PTH1R: variants seen among roughly 807,000 people sequenced by gnomAD.
PTH1R encodes parathyroid hormone 1 receptor, also known as parathyroid hormone/parathyroid hormone-related peptide receptor.
In PTH1R, 32 loss-of-function variants were observed where a neutral mutation model predicts 70.7. The ratio of observed to expected loss-of-function variants is 0.45; its 90% CI spans 0.34 to 0.61. The LOEUF (loss-of-function observed/expected upper bound fraction) is 0.61, where lower values mean the gene tolerates loss of function less well. PTH1R is among the 20% of genes least tolerant of loss of function. The pLI, the probability that PTH1R is intolerant of heterozygous loss-of-function variation, is 0.01. For synonymous variants in PTH1R, 329 were observed against 324.8 expected, an observed-to-expected ratio of 1.01 and a Z score of -0.14; for missense variants, 626 against 792.5, an observed-to-expected ratio of 0.79 and a Z score of 2.52.
At chr3:46,897,735 AAAAC>A in intron 5 of PTH1R, 116 bp from the exon 6 acceptor site, 1 of 985,298 alleles carries the variant, frequency 1.0e-6, no homozygotes, top group South Asian at 1.4e-5. Flanking sequence ...CCGTCTCAAA[AAAAC>A]AAAACAAAAC....
chr3:46,894,245 A>G (rs982247818), intron 4 of PTH1R, among the ~76,000 whole-genome samples: 8 of 152,122 alleles, frequency 5.3e-5, no homozygotes, highest in Admixed American at 3.9e-4. Flanking sequence ...GTTGCCCACA[A>G]CCAGCACTCA....
chr3:46,887,442 G>A (rs1352786011), intron 3 of PTH1R, among the ~76,000 whole-genome samples: 1 of 143,432 alleles, frequency 7.0e-6, no homozygotes, highest in African/African-American at 2.6e-5. Context: ...GTGACAGAGT[G>A]AGCCCCTGTC....
intron 4 of PTH1R, 80 bp downstream of exon 4, chr3:46,894,089 G>C (rs1360613402): frequency 6.9e-7 from 1 of 1,442,388 alleles, no homozygotes; most frequent in Non-Finnish European, 9.7e-7. Context: ...AGGATACAGA[G>C]CCAGGTGAAG....
rs181314241 is a variant in PTH1R at position 46,891,202 on chromosome 3, G to A, written c.76-2705G>A. On this transcript the variant is annotated intron_variant, in intron 3 of 15. Transcript: ENST00000449590. This position sits in a 1 kb window ranked among gnomAD's most constrained non-coding sequence, Gnocchi z 4.3. ...AGTGTGGGAGTCATGCGTGCTGGAA[G>A]CACATATCTTTCCCTCTCCTGAACA... Among the ~76,000 whole-genome samples, 1 of 152,404 alleles carries A rather than the reference G, an allele frequency of 6.6e-6. No homozygotes were observed. Among genetic ancestry groups the A allele is most frequent in the African/African-American group, 2.4e-5 (1 of 41,604 alleles).
chr3:46,897,453 C>T (rs368074024), intron 5 of PTH1R, among the ~76,000 whole-genome samples: 4 of 152,292 alleles, frequency 2.6e-5, no homozygotes, highest in South Asian at 2.1e-4. Flanking sequence ...ACTGATGGGC[C>T]GGGTGCAGTG....
chr3:46,903,519 G>C lies in PTH1R; in HGVS notation c.1645G>C (p.Glu549Gln). 3.7e-6 allele frequency: 6 copies of C among 1,613,892 alleles called. No individual in the cohort carries two copies. Among genetic ancestry groups the C allele is most frequent in the Non-Finnish European group, 5.1e-6 (6 of 1,180,004 alleles). Residue 549 changes from glutamate (E) to glutamine (Q), a missense_variant, in exon 16 of 16, where the codon GAG becomes CAG. Transcript: ENST00000449590. The surrounding 1 kb of genome is among the most constrained non-coding windows in gnomAD (Gnocchi z 4.4). ...KPGTPALETL[E>Q]TTPPAMAAPK... ...AGGGACCCCAGCCCTGGAGACCCTC[G>C]AGACCACACCACCTGCCATGGCTGC...
rs1438810932 is a variant in PTH1R, at chr3:46,883,429, C to G, written c.-48-83C>G. ...CGCGCCGGGCCCCGGGGCCTCGGGCCGCCGGGACGCCGGGGTCCCATAGGC... is the reference window on the plus strand; with the variant it reads ...CGCGCCGGGCCCCGGGGCCTCGGGCGGCCGGGACGCCGGGGTCCCATAGGC... On this transcript the variant is annotated intron_variant, in intron 2 of 15. Transcript: ENST00000449590. The surrounding 1 kb of genome is among the most constrained non-coding windows in gnomAD (Gnocchi z 6.4). The G allele has an allele frequency of 2.8e-6, 2 of 725,528 alleles. No individual in the cohort carries two copies. The highest frequency in any genetic ancestry group is 4.0e-5 in the East Asian group (1 of 25,130). The allele number at this position is 725,528 out of a possible 1,614,324, so 44.9% of individuals were successfully genotyped here. A position where few individuals can be genotyped will look rare whatever the true frequency, so the allele number is the denominator to read the frequency against.
rs2031983433 is a variant in PTH1R at position 46,899,465 on chromosome 3, G to A, written c.988+9G>A. Reference sequence around the variant, plus strand: ...CACAGTCTTCGGCTGGGGTACGCGGGCACAGCGGGTAGCGAGGTGCCGGCA... The same window carrying A: ...CACAGTCTTCGGCTGGGGTACGCGGACACAGCGGGTAGCGAGGTGCCGGCA... On this transcript the variant is annotated intron_variant, in intron 10 of 15. Coordinates refer to ENST00000449590, the MANE Select transcript of PTH1R (RefSeq NM_000316.3). The A allele has an allele frequency of 2.5e-6, 4 of 1,608,830 alleles. No homozygotes were observed. The African/African-American group carries it at 5.3e-5, about 21-fold the overall frequency.
chr3:46,891,547 C>T lies in PTH1R; in HGVS notation c.76-2360C>T, dbSNP rs2031415533. Among the ~76,000 whole-genome samples the T allele has an allele frequency of 6.6e-6, 1 of 152,162 alleles. No homozygotes were observed. The highest frequency in any genetic ancestry group is 2.4e-5 in the African/African-American group (1 of 41,434). Reference sequence around the variant, plus strand: ...TCTCCATCAGCTGGAGAAAATACAGCACAATGGGTTTGTCTTGAGAGGGGT... The same window carrying T: ...TCTCCATCAGCTGGAGAAAATACAGTACAATGGGTTTGTCTTGAGAGGGGT... On this transcript the variant is annotated intron_variant, in intron 3 of 15. Transcript: ENST00000449590. The surrounding 1 kb of genome is among the most constrained non-coding windows in gnomAD (Gnocchi z 4.3).
In PTH1R at chr3:46,903,506, C is replaced by A. The variant is rs151278156; in HGVS notation, c.1632C>A (p.Ala544=). 6.2e-7 allele frequency: 1 copy of A among 1,613,844 alleles called. No individual in the cohort carries two copies. The highest frequency in any genetic ancestry group is 8.5e-7 in the Non-Finnish European group (1 of 1,180,036). Residue 544 remains alanine, a synonymous_variant, in exon 16 of 16, where the codon GCC becomes GCA. Transcript: ENST00000449590. This position sits in a 1 kb window ranked among gnomAD's most constrained non-coding sequence, Gnocchi z 4.4. ...GCCATGCCAAGCCAGGGACCCCAGC[C>A]CTGGAGACCCTCGAGACCACACCAC... The part of the protein sequence containing the change: ...LPGHAKPGTP[A]LETLETTPPA...
Position 46,901,929 on chromosome 3 carries a change from G to A in PTH1R, c.1211+69G>A, listed in dbSNP as rs2032153348. On this transcript the variant is annotated intron_variant, in intron 13 of 15. Coordinates refer to ENST00000449590, the MANE Select transcript of PTH1R (RefSeq NM_000316.3). The surrounding 1 kb of genome is among the most constrained non-coding windows in gnomAD (Gnocchi z 7.3). ...CTGAGTCCTGGTACCATGTACCCCA[G>A]GAAAGACAGTGGCCCCATGAATGAT... 1 of 1,446,660 alleles carries A rather than the reference G, an allele frequency of 6.9e-7. No individual in the cohort carries two copies. Among genetic ancestry groups the A allele is most frequent in the South Asian group, 1.2e-5 (1 of 86,766 alleles). The allele number at this position is 1,446,660 out of a possible 1,614,324, so 89.6% of individuals were successfully genotyped here.
At position 46,883,616 on chromosome 3, in the gene PTH1R, CA is replaced by C; in HGVS notation, c.58del (p.Ser20AlafsTer13). The C allele has an allele frequency of 6.5e-7, 1 of 1,544,854 alleles. No homozygotes were observed. The highest frequency in any genetic ancestry group is 8.7e-7 in the Non-Finnish European group (1 of 1,146,768). ...CGCTCCTGCTCTGCTGCCCCGTGCT[CA>C]GCTCCGCGTACGCGCTGGTGAGTCC... The part of the protein sequence containing the change: ...LALLLCCPVL[S>X]SAYALVDADD... On this transcript the variant is annotated frameshift_variant, in exon 3 of 16. Coordinates refer to ENST00000449590, the MANE Select transcript of PTH1R (RefSeq NM_000316.3). LOFTEE classifies it high-confidence loss of function. This position sits in a 1 kb window ranked among gnomAD's most constrained non-coding sequence, Gnocchi z 6.4.
intron 3 of PTH1R, among the ~76,000 whole-genome samples, chr3:46,890,721 G>A (rs1015401904): frequency 4.4e-4 from 67 of 152,076 alleles, no homozygotes; most frequent in African/African-American, 1.3e-3. Context: ...GGCTGGTCTC[G>A]AACTCCTGAC....
At chr3:46,895,953 T>A (rs2031726739) in intron 5 of PTH1R, 84 bp downstream of exon 5, 1 of 1,508,852 alleles carries the variant, frequency 6.6e-7, no homozygotes, top group African/African-American at 1.4e-5. Flanking sequence ...TGTGAGCTCA[T>A]GCTTCTTGGC....
rs2031584477 is a variant in PTH1R at position 46,893,985 on chromosome 3, C to T, written c.154C>T (p.Leu52Phe). ...TGCTCAGGCCCAGTGCGAAAAACGG[C>T]TCAAGGAGGTCCTGCAGAGGCCAGG... ...HRAQAQCEKR[L>F]KEVLQRPASI... is the part of the protein sequence containing the mutation. The change falls in exon 4 of 16, where the codon CTC (leucine) becomes TTC (phenylalanine). Residue 52 changes from leucine to phenylalanine, a missense_variant. Leu to Phe is a conservative substitution (Grantham distance 22). This residue lies in a region of PTH1R where 123 missense variants were observed against 125.7 expected (regional missense o/e 0.98). Coordinates refer to ENST00000449590, the MANE Select transcript of PTH1R (RefSeq NM_000316.3). This position sits in a 1 kb window ranked among gnomAD's most constrained non-coding sequence, Gnocchi z 5.2. 1.2e-6 allele frequency: 2 copies of T among 1,614,096 alleles called. No individual in the cohort carries two copies. Among genetic ancestry groups the T allele is most frequent in the East Asian group, 2.2e-5 (1 of 44,876 alleles).
intron 9 of PTH1R, 146 bp from the exon 10 acceptor site, chr3:46,899,157 G>C (rs754223892): frequency 1.9e-6 from 2 of 1,077,148 alleles, no homozygotes; most frequent in Non-Finnish European, 1.4e-6. Flanking sequence ...GCATCCCCCT[G>C]AGAGAGCCCC....
chr3:46,890,791 G>A lies in PTH1R; in HGVS notation c.76-3116G>A, dbSNP rs189979355. 1.2e-4 allele frequency among the ~76,000 whole-genome samples: 18 copies of A among 152,276 alleles called. No homozygotes were observed. The East Asian group carries it at 3.3e-3, about 28-fold the overall frequency. Reference sequence around the variant, plus strand: ...GCTGGGATTACTGGTGTTAGCCACCGTGCCGGGCCAACAACAGCCCTATTA... The same window carrying A: ...GCTGGGATTACTGGTGTTAGCCACCATGCCGGGCCAACAACAGCCCTATTA... On this transcript the variant is annotated intron_variant, in intron 3 of 15. Transcript: ENST00000449590.
At chr3:46,900,876 G>T in intron 10 of PTH1R, 149 bp from the exon 11 acceptor site, 1 of 857,636 alleles carries the variant, frequency 1.2e-6, no homozygotes. Context: ...ACATGGCAGA[G>T]TGTGGCTCTG....
Position 46,903,024 on chromosome 3 carries a change from C to A in PTH1R, c.1395+234C>A. On this transcript the variant is annotated intron_variant, in intron 15 of 15. Transcript: ENST00000449590. The surrounding 1 kb of genome is among the most constrained non-coding windows in gnomAD (Gnocchi z 4.4). The stretch of plus-strand genomic sequence containing the variant: ...CAAGTGTCTTCCCAGCCCCATGGTT[C>A]AATTATCTGTGACCCAGATTGGAGG... 1 of 968,064 alleles carries A rather than the reference C, an allele frequency of 1.0e-6. No homozygotes were observed. The highest frequency in any genetic ancestry group is 1.6e-6 in the Non-Finnish European group (1 of 628,874). 60.0% of individuals were successfully genotyped at this position (968,064 alleles called of 1,614,324 possible).
Sources: gnomAD v4.1 joint callset for allele counts (sites outside exome capture counted in the v4.1 genomes callset) on GRCh38, gnomAD v4.1.1 for gene constraint, gnomAD v4.1.1 regional missense constraint, Gnocchi (gnomAD v3.1) non-coding constraint, MANE v1.5 for transcripts, NCBI Gene and HGNC (gene_info 2026-07-23, HGNC 2026-07-21) for gene names.